Variants in EPB41L4A observed in about 807,000 individuals in gnomAD.
EPB41L4A encodes band 4.1-like protein 4A.
In EPB41L4A, 100 loss-of-function variants were observed where a neutral mutation model predicts 108.6. The ratio of observed to expected loss-of-function variants is 0.92; its 90% CI spans 0.78 to 1.09. The LOEUF (loss-of-function observed/expected upper bound fraction) is 1.09. Ranked by LOEUF, EPB41L4A falls within the 50% of genes least tolerant of loss-of-function variation. The pLI is 0.00. For synonymous variants in EPB41L4A, 319 were observed against 289.0 expected (o/e 1.10, Z -1.05); for missense variants, 1,030 against 842.7 (o/e 1.22, Z -2.75).
At chr5:112,161,145 G>A (rs1580340201), downstream of EPB41L4A, 1 of 196,236 alleles carries the variant, frequency 5.1e-6, no homozygotes, top group African/African-American at 2.4e-5. Context: ...CTCCAGATAA[G>A]CCTGGTTTTA....
intron 17 of EPB41L4A, among the ~76,000 whole-genome samples, chr5:112,194,281 G>C (rs191469252): frequency 1.3e-5 from 2 of 152,204 alleles, no homozygotes; most frequent in Non-Finnish European, 2.9e-5. Context: ...ACCAGCCTTA[G>C]AGAAATTCAC....
intron 12 of EPB41L4A, among the ~76,000 whole-genome samples, chr5:112,222,214 G>A (rs1227272144): frequency 6.6e-6 from 1 of 152,192 alleles, no homozygotes; most frequent in African/African-American, 2.4e-5. Flanking sequence ...TAGAGCTACT[G>A]AAGAAATCAC....
chr5:112,343,209 A>G (rs1004383), intron 1 of EPB41L4A, among the ~76,000 whole-genome samples: 102,975 of 152,022 alleles, frequency 0.68, 35,090 homozygotes, highest in South Asian at 0.82. Context: ...ACACTTGGTC[A>G]AATTTAGGTT....
intron 12 of EPB41L4A, among the ~76,000 whole-genome samples, chr5:112,146,190 G>A (rs979094126): frequency 5.3e-5 from 8 of 152,080 alleles, no homozygotes; most frequent in African/African-American, 1.7e-4. Flanking sequence ...GTCAAGCATC[G>A]CGATCCTCAA....
chr5:112,189,131 C>T (rs2150248164), intron 17 of EPB41L4A, among the ~76,000 whole-genome samples: 1 of 152,372 alleles, frequency 6.6e-6, no homozygotes, highest in Admixed American at 6.5e-5. Flanking sequence ...AAACTAGCAA[C>T]ATTCATGCCA....
At chr5:112,259,787 C>A (rs1751364742) in intron 8 of EPB41L4A, 104 bp downstream of exon 8, 1 of 792,322 alleles carries the variant, frequency 1.3e-6, no homozygotes, top group Non-Finnish European at 2.2e-6. Flanking sequence ...ATTTATCACC[C>A]ACTGGAAATA....
chr5:112,269,794 T>C (rs1034039355), intron 4 of EPB41L4A, among the ~76,000 whole-genome samples: 8 of 152,226 alleles, frequency 5.3e-5, no homozygotes, highest in African/African-American at 1.4e-4. Flanking sequence ...CCAGAATACA[T>C]TGTGGTACAC....
At position 112,195,645 on chromosome 5, in the gene EPB41L4A, A is replaced by G; in HGVS notation, c.1424+16T>C. The stretch of plus-strand genomic sequence containing the variant: ...CCTTCTTCCCTCTGACTGTCCTTCC[A>G]TTTTTGTTTTTTTACCTCCTCCTTT... On this transcript the variant is annotated intron_variant, in intron 16 of 22. Transcript: ENST00000261486. 1.2e-6 allele frequency: 2 copies of G among 1,604,672 alleles called. No homozygotes were observed. The highest frequency in any genetic ancestry group is 1.7e-6 in the Non-Finnish European group (2 of 1,171,726).
intron 12 of EPB41L4A, among the ~76,000 whole-genome samples, chr5:112,223,318 C>T (rs1460089825): frequency 6.6e-6 from 1 of 152,054 alleles, no homozygotes; most frequent in African/African-American, 2.4e-5. Flanking sequence ...TGAGAACCCC[C>T]AAAATCTTTA....
At chr5:112,193,164 G>A (rs973945297) in intron 17 of EPB41L4A, among the ~76,000 whole-genome samples, 1 of 152,196 alleles carries the variant, frequency 6.6e-6, no homozygotes, top group Non-Finnish European at 1.5e-5. Flanking sequence ...TTACAATGCT[G>A]TCTGGGCTAT....
intron 11 of EPB41L4A, among the ~76,000 whole-genome samples, chr5:112,238,341 T>A (rs1341245326): frequency 6.6e-6 from 1 of 152,198 alleles, no homozygotes; most frequent in East Asian, 1.9e-4. Flanking sequence ...AACATTAACA[T>A]ATCAATGAAT....
chr5:112,268,736 G>A (rs904272289), intron 4 of EPB41L4A, among the ~76,000 whole-genome samples: 3 of 150,276 alleles, frequency 2.0e-5, no homozygotes, highest in African/African-American at 7.3e-5. Context: ...ACCGCTACTT[G>A]GGAGGCTGAG....
chr5:112,150,702 AGGAACAAC>A (rs1304108266), intron 12 of EPB41L4A, among the ~76,000 whole-genome samples: 1 of 152,240 alleles, frequency 6.6e-6, no homozygotes, highest in Non-Finnish European at 1.5e-5. Flanking sequence ...TTATTTGGCA[AGGAACAAC>A]CATTAGACTG....
At chr5:112,409,115 T>C (rs576828716) in intron 1 of EPB41L4A, among the ~76,000 whole-genome samples, 1 of 151,828 alleles carries the variant, frequency 6.6e-6, no homozygotes, top group Non-Finnish European at 1.5e-5. Flanking sequence ...ATAAATAAAA[T>C]ATAGTACATC....
intron 18 of EPB41L4A, among the ~76,000 whole-genome samples, chr5:112,172,204 G>A (rs911903039): frequency 6.6e-6 from 1 of 152,144 alleles, no homozygotes; most frequent in Non-Finnish European, 1.5e-5. Context: ...AAATGTAGAT[G>A]TTCTTTGTTT....
At chr5:112,309,172 CA>C (rs1321212513) in intron 1 of EPB41L4A, among the ~76,000 whole-genome samples, 1 of 151,846 alleles carries the variant, frequency 6.6e-6, no homozygotes, top group African/African-American at 2.4e-5. Context: ...CACCATTTAC[CA>C]AAAAAAGCCA....
intron 1 of EPB41L4A, among the ~76,000 whole-genome samples, chr5:112,356,996 T>C (rs1167759051): frequency 6.6e-6 from 1 of 152,208 alleles, no homozygotes; most frequent in East Asian, 1.9e-4. Flanking sequence ...CTCTGACTCC[T>C]TGACTAGGTA....
At chr5:112,243,332 G>A (rs1455542429) in intron 9 of EPB41L4A, among the ~76,000 whole-genome samples, 3 of 146,746 alleles carry the variant, frequency 2.0e-5, no homozygotes, top group African/African-American at 8.1e-5. Flanking sequence ...GCTGTAAATA[G>A]GTGTGCTGTC....
Position 112,285,199 on chromosome 5 carries a change from T to G in EPB41L4A, c.205-4876A>C, listed in dbSNP as rs1204178903. On this transcript the variant is annotated intron_variant, in intron 2 of 22. Coordinates refer to ENST00000261486, the MANE Select transcript of EPB41L4A (RefSeq NM_022140.5). The stretch of plus-strand genomic sequence containing the variant: ...AACTTAAGAATGTTACATTGACATT[T>G]AATAAAGTTTCCTGTAGGCCAAATA... 2.6e-5 allele frequency among the ~76,000 whole-genome samples: 4 copies of G among 152,190 alleles called. No individual in the cohort carries two copies. In the East Asian group the frequency reaches 7.7e-4, roughly 29 times the overall value.
Sources: gnomAD v4.1 joint callset for allele counts (sites outside exome capture counted in the v4.1 genomes callset) on GRCh38, gnomAD v4.1.1 for gene constraint, MANE v1.5 for transcripts, NCBI Gene and HGNC (gene_info 2026-07-23, HGNC 2026-07-21) for gene names.